Variants in KLK10 observed in about 807,000 individuals in gnomAD.
The protein encoded by KLK10 is kallikrein-10.
A neutral mutation model predicts 25.7 loss-of-function variants in KLK10; 27 were observed. The ratio of observed to expected loss-of-function variants is 1.05; its 90% CI spans 0.77 to 1.45. The LOEUF is 1.45. KLK10 is among the 40% of genes most tolerant of loss of function. The pLI is 0.00. For missense variants in KLK10, 386 were observed against 370.0 expected, an observed-to-expected ratio of 1.04 and a Z score of -0.35; for synonymous variants, 173 against 160.1, an observed-to-expected ratio of 1.08 and a Z score of -0.61.
rs147543658 is a variant in KLK10 at position 51,019,329 on chromosome 19, T to A, written c.-9-190A>T. Among the ~76,000 whole-genome samples the A allele has an allele frequency of 6.6e-6, 1 of 152,310 alleles. No homozygotes were observed. The highest frequency in any genetic ancestry group is 1.5e-5 in the Non-Finnish European group (1 of 68,026). ...GCGGTAATGGGCACAATTACCCTAATGACGCCCCTCGCGGCATCTTCCCGT... is the reference window on the plus strand; with the variant it reads ...GCGGTAATGGGCACAATTACCCTAAAGACGCCCCTCGCGGCATCTTCCCGT... On this transcript the variant is annotated intron_variant, in intron 1 of 5. Transcript: ENST00000358789. This position sits in a 1 kb window ranked among gnomAD's most constrained non-coding sequence, Gnocchi z 4.2.
Position 51,014,803 on chromosome 19 carries a change from G to A in KLK10, c.828C>T (p.Asn276=). 6.3e-7 allele frequency: 1 copy of A among 1,576,310 alleles called. No individual in the cohort carries two copies. The part of the protein sequence containing the change: ...MSWINKVIRS[N] ...CAGCTGGAGCGTAGCATCTGGATCA[G>A]TTGGAGCGTATGACTTTATTGATCC... The change falls in exon 6 of 6, where the codon AAC becomes AAT. Residue 276 remains asparagine, a synonymous_variant. Transcript: ENST00000358789.
intron 5 of KLK10, 117 bp from the exon 6 acceptor site, chr19:51,015,069 G>A (rs1406939286): frequency 7.9e-6 from 7 of 886,740 alleles, no homozygotes; most frequent in African/African-American, 6.7e-5. Context: ...ACGAGGATGG[G>A]ATGGGGTTGG....
In KLK10 at chr19:51,015,459, G is replaced by A. The variant is rs752350630; in HGVS notation, c.636C>T (p.Asn212=). 1 of 1,613,846 alleles carries A rather than the reference G, an allele frequency of 6.2e-7. No homozygotes were observed. Among genetic ancestry groups the A allele is most frequent in the Non-Finnish European group, 8.5e-7 (1 of 1,179,890 alleles). Residue 212 remains asparagine, a synonymous_variant, in exon 5 of 6, where the codon AAC becomes AAT. Coordinates refer to ENST00000358789, the MANE Select transcript of KLK10 (RefSeq NM_145888.3). ...CCCGGTCCAGTCCAGCACATATCAT[G>A]TTGTTGGTGACCACGCCAGGGTAGA... ...EVFYPGVVTN[N]MICAGLDRGQ...
chr19:51,014,986 G>C, intron 5 of KLK10, 34 bp from the exon 6 acceptor site: 1 of 1,598,660 alleles, frequency 6.3e-7, no homozygotes, highest in Non-Finnish European at 8.5e-7. Flanking sequence ...TCAAATAAAT[G>C]TGCCAACGTG....
chr19:51,015,908 C>T lies in KLK10; in HGVS notation c.518G>A (p.Gly173Asp). The T allele has an allele frequency of 6.4e-7, 1 of 1,572,448 alleles. No homozygotes were observed. The highest frequency in any genetic ancestry group is 8.6e-7 in the Non-Finnish European group (1 of 1,161,300). ...AQPGDQCQVA[G>D]WGTTAARRVK... ...TCTCCGGGCGGCCGTGGTGCCCCAG[C>T]CAGCAACCTGGCACTGGTCTCCGGG... Residue 173 changes from glycine to aspartate, a missense_variant, in exon 4 of 6, where the codon GGC becomes GAC. Gly to Asp is a moderately conservative substitution (Grantham distance 94). Transcript: ENST00000358789.
In KLK10 at chr19:51,017,255, G is replaced by A. The variant is rs148660204; in HGVS notation, c.124C>T (p.Arg42Cys). ...GAGCCATAGGCTTCGGGGTCCAAGC[G>A]CGTGTCGTTTTGGGGGAGCAGCGCC... ...EAALLPQNDT[R>C]LDPEAYGSPC... Residue 42 changes from arginine to cysteine, a missense_variant, in exon 3 of 6, where the codon CGC (arginine) becomes TGC (cysteine). Physicochemically the swap from Arg to Cys is radical, Grantham distance 180 (BLOSUM62 -3). Transcript: ENST00000358789. 6.2e-6 allele frequency: 10 copies of A among 1,610,428 alleles called. No homozygotes were observed. Among genetic ancestry groups the A allele is most frequent in the Admixed American group, 1.7e-5 (1 of 59,380 alleles).
rs1310511620 is a variant in KLK10 at position 51,017,243 on chromosome 19, C to T, written c.136G>A (p.Glu46Lys). The part of the protein sequence containing the change: ...LPQNDTRLDP[E>K]AYGSPCARGS... ...CGCGCGCACGGGGAGCCATAGGCTT[C>T]GGGGTCCAAGCGCGTGTCGTTTTGG... The change falls in exon 3 of 6, where the codon GAA becomes AAA. Residue 46 changes from glutamate (E) to lysine (K), a missense_variant. Transcript: ENST00000358789. The T allele has an allele frequency of 1.2e-6, 2 of 1,612,136 alleles. No individual in the cohort carries two copies. Among genetic ancestry groups the T allele is most frequent in the Non-Finnish European group, 1.7e-6 (2 of 1,179,482 alleles).
intron 5 of KLK10, 53 bp from the exon 6 acceptor site, chr19:51,015,005 C>A: frequency 6.5e-7 from 1 of 1,550,244 alleles, no homozygotes; most frequent in South Asian, 1.1e-5. Context: ...TGAGAGCTGT[C>A]ACTTTGGGAT....
upstream of KLK10, chr19:51,019,836 A>C (rs2091383884): frequency 6.9e-6 from 1 of 144,854 alleles, no homozygotes; most frequent in African/African-American, 2.5e-5. This position sits in a 1 kb window ranked among gnomAD's most constrained non-coding sequence, Gnocchi z 4.2. Context: ...TGAGGCTGGC[A>C]CTCCTGGGTC....
chr19:51,018,164 C>CAAAAAAAAAAAAAAAAAAA (rs35154267), intron 2 of KLK10, among the ~76,000 whole-genome samples: 34 of 36,438 alleles, frequency 9.3e-4, no homozygotes, highest in Non-Finnish European at 8.8e-4. Flanking sequence ...TGCCCTGTCT[C>CAAAAAAAAAAAAAAAAAAA]AAAAAAAAAA....
rs372691666 is a variant in KLK10 at position 51,017,102 on chromosome 19, C to T, written c.269+8G>A. The T allele has an allele frequency of 4.5e-5, 72 of 1,593,734 alleles. No individual in the cohort carries two copies. The African/African-American group carries it at 8.9e-4, about 20-fold the overall frequency. On this transcript the variant is annotated splice_region_variant and intron_variant, in intron 3 of 5. Coordinates refer to ENST00000358789, the MANE Select transcript of KLK10 (RefSeq NM_145888.3). ...CCGTGGCGTCCTCGGGGATGGATCT[C>T]CTCCTACTTGTTTCCGCAGTGCGCG...
rs1482859954 is a variant in KLK10, at chr19:51,019,610, G to C, written c.-10+17C>G. 6.5e-6 allele frequency: 1 copy of C among 153,594 alleles called. No homozygotes were observed. The highest frequency in any genetic ancestry group is 1.4e-5 in the Non-Finnish European group (1 of 69,048). 9.5% of individuals were successfully genotyped at this position (153,594 alleles called of 1,614,324 possible). A position where few individuals can be genotyped will look rare whatever the true frequency, so the allele number is the denominator to read the frequency against. On this transcript the variant is annotated intron_variant, in intron 1 of 5. Transcript: ENST00000358789. The surrounding 1 kb of genome is among the most constrained non-coding windows in gnomAD (Gnocchi z 4.2). ...TCGCAATCCACCCCAACCCGGGTGG[G>C]GTGCAGGTAGCTTCACCTGGGAGTC... is the stretch of plus-strand genomic sequence containing the variant.
intron 2 of KLK10, chr19:51,018,731 C>T: frequency 2.3e-6 from 1 of 432,324 alleles, no homozygotes; most frequent in Non-Finnish European, 4.3e-6. Flanking sequence ...AAACAAAACA[C>T]GGTAGTGTAA....
rs866483606 is a variant in KLK10 at position 51,014,062 on chromosome 19, C to G, written c.*738G>C. On this transcript the variant is annotated 3_prime_UTR_variant, in exon 6 of 6. Transcript: ENST00000358789. ...CTAATGACTCAGGGCCAGCCTAGCTCGGAGGAACTGGTGTTGGGTGGAACC... is the reference window on the plus strand; with the variant it reads ...CTAATGACTCAGGGCCAGCCTAGCTGGGAGGAACTGGTGTTGGGTGGAACC... 6.6e-6 allele frequency: 1 copy of G among 151,842 alleles called. No individual in the cohort carries two copies. Among genetic ancestry groups the G allele is most frequent in the East Asian group, 1.9e-4 (1 of 5,160 alleles). The allele number at this position is 151,842 out of a possible 1,614,324, so 9.4% of individuals were successfully genotyped here.
chr19:51,016,012 G>C lies in KLK10; in HGVS notation c.414C>G (p.Leu138=). ...ILPRRTDEHD[L]MLLKLARPVV... ...CGGGCCTGGCCAGCTTCAGCAACAT[G>C]AGATCGTGCTCATCCGTTCGCCTTG... The change falls in exon 4 of 6, where the codon CTC becomes CTG. Residue 138 remains leucine, a synonymous_variant. Coordinates refer to ENST00000358789, the MANE Select transcript of KLK10 (RefSeq NM_145888.3). 6.4e-7 allele frequency: 1 copy of C among 1,567,162 alleles called. No individual in the cohort carries two copies.
intron 4 of KLK10, 51 bp downstream of exon 4, chr19:51,015,831 G>A: frequency 3.5e-6 from 5 of 1,438,418 alleles, no homozygotes; most frequent in Non-Finnish European, 4.6e-6. Flanking sequence ...AGGGGTTCAG[G>A]CCCTCAGCCC....
At chr19:51,015,348 C>A in intron 5 of KLK10, 69 bp downstream of exon 5, 1 of 1,552,560 alleles carries the variant, frequency 6.4e-7, no homozygotes, top group South Asian at 1.1e-5. Context: ...GGCACAGGGT[C>A]TGCTCTTTTC....
chr19:51,016,281 C>T, intron 3 of KLK10, 125 bp from the exon 4 acceptor site: 3 of 1,070,856 alleles, frequency 2.8e-6, no homozygotes, highest in East Asian at 2.6e-5. Flanking sequence ...GAGAAGGGGA[C>T]CTCAGTGGAC....
At position 51,015,565 on chromosome 19, in the gene KLK10, T is replaced by C; in HGVS notation, c.545-15A>G. The C allele has an allele frequency of 6.2e-7, 1 of 1,612,060 alleles. No individual in the cohort carries two copies. The highest frequency in any genetic ancestry group is 8.5e-7 in the Non-Finnish European group (1 of 1,178,360). On this transcript the variant is annotated splice_polypyrimidine_tract_variant and intron_variant, in intron 4 of 5. Coordinates refer to ENST00000358789, the MANE Select transcript of KLK10 (RefSeq NM_145888.3). ...GTTGTACTTCACTGAAGGGAGAATA[T>C]GCCAGTAATCCCTGGGTCCAGCCCC...
Sources: gnomAD v4.1 joint callset for allele counts (sites outside exome capture counted in the v4.1 genomes callset) on GRCh38, gnomAD v4.1.1 for gene constraint, Gnocchi (gnomAD v3.1) non-coding constraint, MANE v1.5 for transcripts, NCBI Gene and HGNC (gene_info 2026-07-23, HGNC 2026-07-21) for gene names.